PIAS2: variants seen among roughly 807,000 people sequenced by gnomAD.
PIAS2 encodes the protein protein inhibitor of activated STAT 2, also known as E3 SUMO-protein ligase PIAS2.
Under a neutral mutation model 69.7 loss-of-function variants are expected in PIAS2, and 19 were observed. The ratio of observed to expected loss-of-function variants is 0.27; its 90% CI spans 0.19 to 0.40. The LOEUF is 0.40. Among genes scored for constraint, PIAS2 ranks in the 10% least tolerant of loss-of-function variants. The probability of loss-of-function intolerance (pLI) is 1.00; values close to 1 mark genes in which losing one functional copy is unlikely to be tolerated. For synonymous variants in PIAS2, 261 were observed against 263.2 expected, an observed-to-expected ratio of 0.99 and a Z score of 0.08; for missense variants, 624 against 757.0, an observed-to-expected ratio of 0.82 and a Z score of 2.06.
At chr18:46,870,847 G>A (rs376628294) in intron 2 of PIAS2, among the ~76,000 whole-genome samples, 7 of 152,074 alleles carry the variant, frequency 4.6e-5, no homozygotes, top group South Asian at 2.1e-4. Context: ...TCCTGCAGCC[G>A]ACCAAAAATT....
intron 2 of PIAS2, among the ~76,000 whole-genome samples, chr18:46,873,844 T>C (rs577962991): frequency 1.2e-4 from 19 of 152,144 alleles, no homozygotes; most frequent in African/African-American, 4.6e-4. Context: ...AGCTGCCGTT[T>C]CCTCTGAAAC....
At chr18:46,912,664 CA>C (rs2057391009) in intron 1 of PIAS2, among the ~76,000 whole-genome samples, 1 of 151,670 alleles carries the variant, frequency 6.6e-6, no homozygotes, top group African/African-American at 2.4e-5. Context: ...TCTTATCTAG[CA>C]AAAAGTTAAG....
rs914010007 is a variant in PIAS2 at position 46,855,695 on chromosome 18, A to G, written c.585-80T>C. The G allele has an allele frequency of 1.0e-5, 11 of 1,056,908 alleles. No individual in the cohort carries two copies. The African/African-American group carries it at 1.6e-4, about 15-fold the overall frequency. The allele number at this position is 1,056,908 out of a possible 1,614,324, so 65.5% of individuals were successfully genotyped here. On this transcript the variant is annotated intron_variant, in intron 3 of 13. Coordinates refer to ENST00000585916, the MANE Select transcript of PIAS2 (RefSeq NM_004671.5). ...CAGTCTCCCCAGGAGGAAAAAAAGGAAAAGCATTATTTGTATTTTTCTTAT... is the reference window on the plus strand; with the variant it reads ...CAGTCTCCCCAGGAGGAAAAAAAGGGAAAGCATTATTTGTATTTTTCTTAT...
At chr18:46,843,220 G>A (rs914975805) in intron 8 of PIAS2, among the ~76,000 whole-genome samples, 4 of 152,170 alleles carry the variant, frequency 2.6e-5, no homozygotes, top group African/African-American at 9.7e-5. Context: ...AGAACATACA[G>A]TAGAGACTCA....
At chr18:46,912,011 A>G (rs1449811276) in intron 1 of PIAS2, among the ~76,000 whole-genome samples, 1 of 152,102 alleles carries the variant, frequency 6.6e-6, no homozygotes, top group Non-Finnish European at 1.5e-5. Flanking sequence ...AGATGGCGCC[A>G]TTGCTCTCCA....
Position 46,807,375 on chromosome 18 carries a change from ATATATATATTTTTTTT to A in PIAS2, c.*5042_*5057del, listed in dbSNP as rs2040747958. Reference sequence around the variant, plus strand: ...AGATTTTATATATATATATATATATATATATATATTTTTTTTTTTTTTTTTTTTTTTTTTTAGAGAG... The same window carrying A: ...AGATTTTATATATATATATATATATATTTTTTTTTTTTTTTTTTTAGAGAG... On this transcript the variant is annotated 3_prime_UTR_variant, in exon 14 of 14. Coordinates refer to ENST00000585916, the MANE Select transcript of PIAS2 (RefSeq NM_004671.5). 2 of 25,900 alleles carry A rather than the reference ATATATATATTTTTTTT, an allele frequency of 7.7e-5. No homozygotes were observed. Among genetic ancestry groups the A allele is most frequent in the South Asian group, 1.2e-3 (1 of 814 alleles). The allele number at this position is 25,900 out of a possible 1,614,324, so 1.6% of individuals were successfully genotyped here.
At chr18:46,908,917 G>C (rs2056945193) in intron 1 of PIAS2, among the ~76,000 whole-genome samples, 1 of 152,158 alleles carries the variant, frequency 6.6e-6, no homozygotes, top group African/African-American at 2.4e-5. Context: ...TCTGAGACAG[G>C]AGAATCTCTT....
At chr18:46,851,613 C>T (rs1407161894) in intron 5 of PIAS2, among the ~76,000 whole-genome samples, 2 of 152,194 alleles carry the variant, frequency 1.3e-5, no homozygotes, top group African/African-American at 4.8e-5. Flanking sequence ...GAGCTGCTGT[C>T]TTCCTTGCAC....
intron 5 of PIAS2, among the ~76,000 whole-genome samples, chr18:46,850,193 C>T (rs1251539888): frequency 6.6e-6 from 1 of 152,152 alleles, no homozygotes; most frequent in Non-Finnish European, 1.5e-5. Flanking sequence ...ACCTACTCTA[C>T]CCAACTCCCA....
At position 46,809,182 on chromosome 18, in the gene PIAS2, C is replaced by T. The variant is rs1830253421; in HGVS notation, c.*3251G>A. On this transcript the variant is annotated 3_prime_UTR_variant, in exon 14 of 14. Transcript: ENST00000585916. ...CCTACACTTGCTATCCCTTACATCA[C>T]ATTTTCATTCTAGCTTTTCTGAAAC... 1 of 152,210 alleles carries T rather than the reference C, an allele frequency of 6.6e-6. No homozygotes were observed. The highest frequency in any genetic ancestry group is 6.5e-5 in the Admixed American group (1 of 15,276). The allele number at this position is 152,210 out of a possible 1,614,324, so 9.4% of individuals were successfully genotyped here.
intron 1 of PIAS2, among the ~76,000 whole-genome samples, chr18:46,897,476 C>G (rs1418014332): frequency 1.3e-5 from 2 of 152,068 alleles, no homozygotes; most frequent in Non-Finnish European, 1.5e-5. Flanking sequence ...TGGATTCAAA[C>G]CGATTAAATA....
chr18:46,877,109 A>G (rs946816253), intron 2 of PIAS2, among the ~76,000 whole-genome samples: 1 of 152,104 alleles, frequency 6.6e-6, no homozygotes, highest in African/African-American at 2.4e-5. Context: ...GTAGGATGTT[A>G]TATCATACCC....
chr18:46,887,308 T>C (rs1465880684), intron 2 of PIAS2, among the ~76,000 whole-genome samples: 1 of 150,048 alleles, frequency 6.7e-6, no homozygotes, highest in East Asian at 2.0e-4. Flanking sequence ...CAGGCCATAC[T>C]AACCCCACTA....
intron 8 of PIAS2, among the ~76,000 whole-genome samples, chr18:46,839,090 A>T (rs141674300): frequency 8.9e-4 from 136 of 152,328 alleles, no homozygotes; most frequent in African/African-American, 3.0e-3. Context: ...AAGTAGTACC[A>T]ACATAAATAT....
Position 46,820,951 on chromosome 18 carries a change from T to G in PIAS2, c.1630A>C (p.Met544Leu). 6.2e-7 allele frequency: 1 copy of G among 1,612,014 alleles called. No individual in the cohort carries two copies. The highest frequency in any genetic ancestry group is 1.1e-5 in the South Asian group (1 of 90,716). The change falls in exon 12 of 14, where the codon ATG becomes CTG. Residue 544 changes from methionine to leucine, a missense_variant. Transcript: ENST00000585916. ...VPFHHTPISSMSSDLPGLDFL... is the reference protein window; with the variant it reads ...VPFHHTPISSLSSDLPGLDFL... ...CACATACCTGGCAAATCTGATGACATGCTTGATATTGGCGTATGGTGGAAT... is the reference window on the plus strand; with the variant it reads ...CACATACCTGGCAAATCTGATGACAGGCTTGATATTGGCGTATGGTGGAAT...
intron 5 of PIAS2, among the ~76,000 whole-genome samples, chr18:46,849,518 A>G (rs2046652719): frequency 6.6e-6 from 1 of 152,208 alleles, no homozygotes; most frequent in Non-Finnish European, 1.5e-5. Context: ...TTCTAAGCAA[A>G]GGCCACTGGA....
chr18:46,850,422 C>A (rs2046791055), intron 5 of PIAS2, among the ~76,000 whole-genome samples: 1 of 152,128 alleles, frequency 6.6e-6, no homozygotes, highest in Non-Finnish European at 1.5e-5. Flanking sequence ...ACTGGAGAAA[C>A]CAGGACTTTT....
intron 8 of PIAS2, among the ~76,000 whole-genome samples, chr18:46,837,825 T>C (rs944970815): frequency 3.3e-5 from 5 of 152,180 alleles, no homozygotes; most frequent in Admixed American, 6.5e-5. Context: ...GCTATTTTGA[T>C]TGAAAATTTG....
At chr18:46,910,019 C>A (rs1338603945) in intron 1 of PIAS2, among the ~76,000 whole-genome samples, 2 of 152,002 alleles carry the variant, frequency 1.3e-5, no homozygotes, top group Non-Finnish European at 2.9e-5. Context: ...ATTAGCCGGG[C>A]ATGGTGCACA....
Sources: gnomAD v4.1 joint callset for allele counts (sites outside exome capture counted in the v4.1 genomes callset) on GRCh38, gnomAD v4.1.1 for gene constraint, MANE v1.5 for transcripts, NCBI Gene and HGNC (gene_info 2026-07-23, HGNC 2026-07-21) for gene names.